The following TRHDE variants were observed in gnomAD, a reference collection of about 807,000 sequenced individuals.
The protein encoded by TRHDE is thyrotropin-releasing hormone-degrading ectoenzyme.
A neutral mutation model predicts 125.7 loss-of-function variants in TRHDE; 72 were observed. The ratio of observed to expected loss-of-function variants is 0.57; its 90% CI spans 0.47 to 0.70. The LOEUF is 0.70. Ranked by LOEUF, TRHDE falls within the 30% of genes least tolerant of loss-of-function variation. TRHDE has a pLI of 0.00. For missense variants in TRHDE, 1,110 were observed against 1,327.1 expected, an observed-to-expected ratio of 0.84 and a Z score of 2.54; for synonymous variants, 509 against 509.1, an observed-to-expected ratio of 1.00 and a Z score of 0.00.
intron 3 of TRHDE, among the ~76,000 whole-genome samples, chr12:72,383,651 A>G (rs572357154): frequency 6.6e-6 from 1 of 151,352 alleles, no homozygotes; most frequent in African/African-American, 2.4e-5. Context: ...TGCTGGGATT[A>G]CAGACATGAG....
chr12:72,587,988 T>C (rs1291126027), intron 12 of TRHDE, among the ~76,000 whole-genome samples: 1 of 152,192 alleles, frequency 6.6e-6, no homozygotes, highest in African/African-American at 2.4e-5. Flanking sequence ...AACAAGTCAG[T>C]TTCTGAAGTG....
chr12:72,174,344 A>G (rs1331039864), intron 2 of TRHDE, among the ~76,000 whole-genome samples: 1 of 152,226 alleles, frequency 6.6e-6, no homozygotes, highest in Non-Finnish European at 1.5e-5. Context: ...TTAAACTATT[A>G]AGTTTTAAGG....
chr12:72,268,468 C>CT, upstream of TRHDE, among the ~76,000 whole-genome samples: 1 of 152,172 alleles, frequency 6.6e-6, no homozygotes, highest in East Asian at 1.9e-4. Context: ...AATCTAACTC[C>CT]TTTACACTAA....
rs1204575457 is a variant in TRHDE at position 72,525,634 on chromosome 12, TGAGAGA to T, written c.1723-16640_1723-16635del. 8.1e-5 allele frequency among the ~76,000 whole-genome samples: 8 copies of T among 98,932 alleles called. No individual in the cohort carries two copies. In the South Asian group the frequency reaches 1.1e-3, roughly 14 times the overall value. The allele number at this position is 98,932 out of a possible 152,430, so 64.9% of individuals were successfully genotyped here. Reference sequence around the variant, plus strand: ...GTGTGTGTGTGTGTGTGTGTGTGTGTGAGAGAGAGAGAGAGAGAGAGAAAGTTGGTG... The same window carrying T: ...GTGTGTGTGTGTGTGTGTGTGTGTGTGAGAGAGAGAGAGAGAAAGTTGGTG... On this transcript the variant is annotated intron_variant, in intron 6 of 18. Coordinates refer to ENST00000261180, the MANE Select transcript of TRHDE (RefSeq NM_013381.3).
At chr12:72,216,615 C>T (rs1877897369) in intron 2 of TRHDE, among the ~76,000 whole-genome samples, 1 of 152,078 alleles carries the variant, frequency 6.6e-6, no homozygotes, top group South Asian at 2.1e-4. Flanking sequence ...AAAAAAATGC[C>T]TTTTAAGGGA....
chr12:72,246,575 T>C (rs1459441346), intron 2 of TRHDE, among the ~76,000 whole-genome samples: 1 of 152,220 alleles, frequency 6.6e-6, no homozygotes, highest in Non-Finnish European at 1.5e-5. Flanking sequence ...CTGCTCACTT[T>C]CACCGCAAGC....
chr12:72,365,707 G>C (rs1048316943), intron 2 of TRHDE, among the ~76,000 whole-genome samples: 1 of 152,102 alleles, frequency 6.6e-6, no homozygotes, highest in African/African-American at 2.4e-5. Context: ...AATCTAATCC[G>C]AAGCAGTGAA....
intron 1 of TRHDE, among the ~76,000 whole-genome samples, chr12:72,096,389 G>T (rs115330989): frequency 0.012 from 1,859 of 152,240 alleles, 40 homozygotes; most frequent in African/African-American, 0.042. Flanking sequence ...TAACAATTAT[G>T]TCAAGTTTGG....
chr12:72,334,821 C>T (rs565031880), intron 2 of TRHDE, among the ~76,000 whole-genome samples: 5 of 152,124 alleles, frequency 3.3e-5, no homozygotes, highest in Non-Finnish European at 7.4e-5. Flanking sequence ...AGATCCTGAG[C>T]GAGGAGGGTG....
intron 3 of TRHDE, among the ~76,000 whole-genome samples, chr12:72,460,116 A>G (rs1213291584): frequency 6.6e-6 from 1 of 152,216 alleles, no homozygotes; most frequent in Non-Finnish European, 1.5e-5. Context: ...TTTGCTATAC[A>G]AAACCGTCCT....
intron 2 of TRHDE, among the ~76,000 whole-genome samples, chr12:72,152,975 C>G (rs1315756691): frequency 1.3e-5 from 2 of 152,142 alleles, no homozygotes; most frequent in South Asian, 4.1e-4. Flanking sequence ...GGAATGGTAC[C>G]AGCTCCTCCT....
At chr12:72,501,413 A>T (rs1051232983) in intron 6 of TRHDE, among the ~76,000 whole-genome samples, 2 of 152,220 alleles carry the variant, frequency 1.3e-5, no homozygotes, top group East Asian at 3.9e-4. Context: ...ATGTTGACTC[A>T]ATTCAATGCT....
intron 2 of TRHDE, among the ~76,000 whole-genome samples, chr12:72,331,090 T>C (rs1208122751): frequency 2.0e-5 from 3 of 152,246 alleles, no homozygotes; most frequent in Admixed American, 6.5e-5. Flanking sequence ...GGCAATTTGC[T>C]AAGCAATTCA....
At chr12:72,313,542 T>C (rs1395212441) in intron 2 of TRHDE, among the ~76,000 whole-genome samples, 1 of 152,172 alleles carries the variant, frequency 6.6e-6, no homozygotes, top group Non-Finnish European at 1.5e-5. Context: ...ATATATATTT[T>C]TTCTGTTTGT....
chr12:72,125,980 C>A (rs1411588796), intron 2 of TRHDE, among the ~76,000 whole-genome samples: 1 of 151,956 alleles, frequency 6.6e-6, no homozygotes, highest in East Asian at 1.9e-4. Flanking sequence ...GAGTGAGCCA[C>A]AAAAATAAAA....
intron 7 of TRHDE, among the ~76,000 whole-genome samples, chr12:72,543,521 AG>A (rs1203483187): frequency 6.6e-6 from 1 of 151,416 alleles, no homozygotes; most frequent in Non-Finnish European, 1.5e-5. Flanking sequence ...TTTCTCAAGG[AG>A]TATCCTTCAT....
At chr12:72,146,883 A>T (rs1247971505) in intron 2 of TRHDE, among the ~76,000 whole-genome samples, 1 of 152,108 alleles carries the variant, frequency 6.6e-6, no homozygotes, top group African/African-American at 2.4e-5. Flanking sequence ...GTTTTTATTG[A>T]GTGGTGGAGG....
upstream of TRHDE, chr12:72,271,953 G>A (rs1256240504): frequency 3.9e-5 from 18 of 456,602 alleles, no homozygotes; most frequent in Admixed American, 4.2e-4. Context: ...GCCGCTTAAA[G>A]TGCCCAGGGT....
At chr12:72,402,058 G>T (rs1422174804) in intron 3 of TRHDE, among the ~76,000 whole-genome samples, 1 of 151,992 alleles carries the variant, frequency 6.6e-6, no homozygotes, top group Admixed American at 6.6e-5. Context: ...CCACAAACTG[G>T]CTGGCTAAAA....
Sources: allele counts gnomAD v4.1 joint callset (sites outside exome capture counted in the v4.1 genomes callset), GRCh38; gene constraint gnomAD v4.1.1; transcripts MANE v1.5; gene names NCBI Gene and HGNC (gene_info 2026-07-23, HGNC 2026-07-21).